Variants in GRAP2 observed in about 807,000 individuals in gnomAD.
GRAP2 encodes GRB2-related adapter protein 2.
GRAP2 carries 31 observed loss-of-function variants against 43.5 expected under a neutral mutation model. The ratio of observed to expected loss-of-function variants is 0.71; its 90% CI spans 0.54 to 0.96. The LOEUF (loss-of-function observed/expected upper bound fraction) is 0.96, where lower values mean the gene tolerates loss of function less well. Among genes scored for constraint, GRAP2 ranks in the 40% least tolerant of loss-of-function variants. The pLI is 0.00. For synonymous variants in GRAP2, 156 were observed against 164.8 expected (o/e 0.95, Z 0.41); for missense variants, 371 against 424.4 (o/e 0.87, Z 1.11).
Position 39,943,720 on chromosome 22 carries a change from CTTTTT to C in GRAP2, c.-14-3359_-14-3355del, listed in dbSNP as rs531038576. Reference sequence around the variant, plus strand: ...CTAAAAAGGGGCCTCTCTTTTCTTTCTTTTTTTTTTTTTTTTTTAAGATGGAGTCT... The same window carrying C: ...CTAAAAAGGGGCCTCTCTTTTCTTTCTTTTTTTTTTTTTAAGATGGAGTCT... On this transcript the variant is annotated intron_variant, in intron 1 of 7. Coordinates refer to ENST00000344138, the MANE Select transcript of GRAP2 (RefSeq NM_004810.4). Among the ~76,000 whole-genome samples, 3 of 134,140 alleles carry C rather than the reference CTTTTT, an allele frequency of 2.2e-5. No homozygotes were observed. In the East Asian group the frequency reaches 6.5e-4, roughly 29 times the overall value. The allele number at this position is 134,140 out of a possible 152,430, so 88.0% of individuals were successfully genotyped here.
upstream of GRAP2, among the ~76,000 whole-genome samples, chr22:39,897,106 T>C (rs1459568866): frequency 6.6e-6 from 1 of 152,188 alleles, no homozygotes; most frequent in African/African-American, 2.4e-5. Context: ...CTCAAGGTTT[T>C]CTCTTCAGCT....
At chr22:39,895,533 A>G in the GRAP2 span, among the ~76,000 whole-genome samples, 3 of 152,222 alleles carry the variant, frequency 2.0e-5, no homozygotes, top group Non-Finnish European at 4.4e-5. Flanking sequence ...AGTGGGGGAC[A>G]AACTACAAGT....
At position 39,966,011 on chromosome 22, in the gene GRAP2, C is replaced by T; in HGVS notation, c.312C>T (p.His104=). Residue 104 remains histidine (H), a synonymous_variant, in exon 5 of 8, where the codon CAC becomes CAT. Coordinates refer to ENST00000344138, the MANE Select transcript of GRAP2 (RefSeq NM_004810.4). ...CCAGGCATGAGGATGACGTTCAACA[C>T]TTCAAGGTCATGCGAGACAACAAGG... The part of the protein sequence containing the change: ...ISVRHEDDVQ[H]FKVMRDNKGN... The T allele has an allele frequency of 6.2e-7, 1 of 1,614,134 alleles. No individual in the cohort carries two copies. The highest frequency in any genetic ancestry group is 8.5e-7 in the Non-Finnish European group (1 of 1,179,938).
At chr22:39,955,989 A>T in intron 3 of GRAP2, 79 bp downstream of exon 3, 2 of 771,040 alleles carry the variant, frequency 2.6e-6, no homozygotes. Flanking sequence ...ACAGTTATCC[A>T]TGGGAACCCA....
intron 6 of GRAP2, chr22:39,968,704 A>T (rs2145683183): frequency 5.6e-6 from 1 of 177,424 alleles, no homozygotes; most frequent in South Asian, 1.7e-4. Flanking sequence ...ATGGGATTTC[A>T]GGCGGCTTAC....
intron 1 of GRAP2, among the ~76,000 whole-genome samples, chr22:39,908,511 T>A (rs1347256751): frequency 6.6e-6 from 1 of 152,180 alleles, no homozygotes; most frequent in Non-Finnish European, 1.5e-5. Flanking sequence ...GGCTGATAGA[T>A]CCTTATCCTT....
the GRAP2 span, among the ~76,000 whole-genome samples, chr22:39,894,740 T>C: frequency 6.6e-6 from 1 of 152,150 alleles, no homozygotes; most frequent in Admixed American, 6.5e-5. Context: ...TGCCAGACAG[T>C]AAGGACTCGG....
Position 39,926,758 on chromosome 22 carries a change from C to T in GRAP2, c.-14-20335C>T, listed in dbSNP as rs987562941. 8.1e-6 allele frequency: 8 copies of T among 985,016 alleles called. No individual in the cohort carries two copies. The African/African-American group carries it at 8.7e-5, about 11-fold the overall frequency. 61.0% of individuals were successfully genotyped at this position (985,016 alleles called of 1,614,324 possible). A position where few individuals can be genotyped will look rare whatever the true frequency, so the allele number is the denominator to read the frequency against. On this transcript the variant is annotated intron_variant, in intron 1 of 7. Coordinates refer to ENST00000344138, the MANE Select transcript of GRAP2 (RefSeq NM_004810.4). ...GGGGACTGCATTAGCGGCCCCTTATCGCTTTGCCTGATAGAGAGACAGCAG... is the reference window on the plus strand; with the variant it reads ...GGGGACTGCATTAGCGGCCCCTTATTGCTTTGCCTGATAGAGAGACAGCAG...
At chr22:39,905,347 T>C (rs555747526) in intron 1 of GRAP2, among the ~76,000 whole-genome samples, 1 of 152,138 alleles carries the variant, frequency 6.6e-6, no homozygotes, top group Non-Finnish European at 1.5e-5. Flanking sequence ...TGGCTGGAAA[T>C]ATTTATTGAG....
At chr22:39,931,425 A>C (rs1471396674) in intron 1 of GRAP2, among the ~76,000 whole-genome samples, 1 of 152,214 alleles carries the variant, frequency 6.6e-6, no homozygotes, top group Non-Finnish European at 1.5e-5. Context: ...ACTTCCTCTG[A>C]AATGGTTCCA....
intron 1 of GRAP2, among the ~76,000 whole-genome samples, chr22:39,913,666 G>A (rs534571706): frequency 6.6e-6 from 1 of 152,310 alleles, no homozygotes; most frequent in East Asian, 1.9e-4. Context: ...GTAGGCCAGT[G>A]ACAGTGGCCA....
At chr22:39,936,923 T>A (rs1378206718) in intron 1 of GRAP2, among the ~76,000 whole-genome samples, 1 of 152,124 alleles carries the variant, frequency 6.6e-6, no homozygotes, top group Non-Finnish European at 1.5e-5. Flanking sequence ...ATGTTTTGGC[T>A]AAAGGACAGC....
chr22:39,941,091 C>T (rs1486243960), intron 1 of GRAP2, among the ~76,000 whole-genome samples: 1 of 152,212 alleles, frequency 6.6e-6, no homozygotes, highest in Non-Finnish European at 1.5e-5. Context: ...TTTTAAATGG[C>T]TCCTTCTGTC....
intron 1 of GRAP2, among the ~76,000 whole-genome samples, chr22:39,943,167 G>A (rs967372433): frequency 1.3e-5 from 2 of 152,192 alleles, no homozygotes; most frequent in Non-Finnish European, 2.9e-5. Context: ...TGGTAACTAC[G>A]TGTTTCTGAA....
intron 3 of GRAP2, 56 bp from the exon 4 acceptor site, chr22:39,959,999 C>T: frequency 6.3e-7 from 1 of 1,584,710 alleles, no homozygotes; most frequent in Non-Finnish European, 8.7e-7. Context: ...TCCACGTCTC[C>T]CTCTTGTCAC....
chr22:39,939,819 G>A (rs1249075024), intron 1 of GRAP2, among the ~76,000 whole-genome samples: 1 of 152,030 alleles, frequency 6.6e-6, no homozygotes, highest in Non-Finnish European at 1.5e-5. Flanking sequence ...TGAGGCATGA[G>A]AATTGCTTGA....
intron 1 of GRAP2, among the ~76,000 whole-genome samples, chr22:39,936,196 C>A (rs2066804730): frequency 6.6e-6 from 1 of 152,166 alleles, no homozygotes; most frequent in Non-Finnish European, 1.5e-5. Context: ...CTACCCCTGC[C>A]ACCCCCACCC....
intron 5 of GRAP2, among the ~76,000 whole-genome samples, chr22:39,967,827 C>T (rs893743708): frequency 5.3e-5 from 8 of 152,182 alleles, no homozygotes; most frequent in African/African-American, 1.9e-4. Context: ...GAACCAGAGA[C>T]CTGCACTCCT....
chr22:39,971,824 C>T lies in GRAP2; in HGVS notation c.*740C>T, dbSNP rs949997824. ...TTTTCCACAATCCCCAAGCAGCTTACTCAGTGGAACCTCTGTTTCCCCAGC... is the reference window on the plus strand; with the variant it reads ...TTTTCCACAATCCCCAAGCAGCTTATTCAGTGGAACCTCTGTTTCCCCAGC... On this transcript the variant is annotated 3_prime_UTR_variant, in exon 8 of 8. Coordinates refer to ENST00000344138, the MANE Select transcript of GRAP2 (RefSeq NM_004810.4). The T allele has an allele frequency of 2.1e-4, 32 of 152,232 alleles. No homozygotes were observed. Among genetic ancestry groups the T allele is most frequent in the African/African-American group, 7.5e-4 (31 of 41,456 alleles). 9.4% of individuals were successfully genotyped at this position (152,232 alleles called of 1,614,324 possible).
Sources: allele counts gnomAD v4.1 joint callset (sites outside exome capture counted in the v4.1 genomes callset), GRCh38; gene constraint gnomAD v4.1.1; transcripts MANE v1.5; gene names NCBI Gene and HGNC (gene_info 2026-07-23, HGNC 2026-07-21).